The following TAF3 variants were observed in gnomAD, a reference collection of about 807,000 sequenced individuals.
TAF3 encodes TATA-box binding protein associated factor 3, also known as transcription initiation factor TFIID subunit 3.
A neutral mutation model predicts 80.6 loss-of-function variants in TAF3; 7 were observed. That is an observed-to-expected ratio of 0.09 (90% CI 0.05 to 0.16). The LOEUF (loss-of-function observed/expected upper bound fraction) is 0.16, where lower values mean the gene tolerates loss of function less well. TAF3 is among the 10% of genes least tolerant of loss of function. TAF3 has a pLI of 1.00. For missense variants in TAF3, 921 were observed against 1,140.2 expected (o/e 0.81, Z 2.77); for synonymous variants, 444 against 446.1 (o/e 1.00, Z 0.06).
intron 2 of TAF3, among the ~76,000 whole-genome samples, chr10:7,887,232 TAA>T (rs528310249): frequency 1.0e-4 from 14 of 139,448 alleles, no homozygotes; most frequent in Admixed American, 1.4e-4. Flanking sequence ...ACTCTGTATT[TAA>T]AAAAAAAAAA....
chr10:7,870,887 G>T (rs1411161063), intron 2 of TAF3, among the ~76,000 whole-genome samples: 1 of 152,042 alleles, frequency 6.6e-6, no homozygotes, highest in Non-Finnish European at 1.5e-5. Context: ...TTGAAGCTCA[G>T]AGTTTCTTGT....
Position 7,965,363 on chromosome 10 carries a change from A to G in TAF3, c.1853A>G (p.Asp618Gly), listed in dbSNP as rs1403918494. 1 of 1,605,984 alleles carries G rather than the reference A, an allele frequency of 6.2e-7. No homozygotes were observed. The highest frequency in any genetic ancestry group is 2.2e-5 in the East Asian group (1 of 44,840). Reference protein sequence around the residue: ...LVRKEKEKHKDKKKDREKGKK... With the variant: ...LVRKEKEKHKGKKKDREKGKK... ...AGGAAGGAGAAAGAGAAGCATAAAG[A>G]TAAGAAGAAAGATAGAGAGAAAGGC... The change falls in exon 3 of 7, where the codon GAT becomes GGT. Residue 618 changes from aspartate (D) to glycine (G), a missense_variant. Around this residue, in one of 6 missense-constraint regions of TAF3, gnomAD observed 743 missense variants for 821.0 expected, o/e 0.90. Coordinates refer to ENST00000344293, the MANE Select transcript of TAF3 (RefSeq NM_031923.4).
At chr10:7,922,166 C>G (rs1469356320) in intron 2 of TAF3, among the ~76,000 whole-genome samples, 1 of 152,084 alleles carries the variant, frequency 6.6e-6, no homozygotes. Flanking sequence ...TCAGATTTCT[C>G]AAGCCTTATT....
chr10:7,962,249 C>T (rs1187569673), intron 2 of TAF3, among the ~76,000 whole-genome samples: 1 of 152,170 alleles, frequency 6.6e-6, no homozygotes. Context: ...ATATCCTTCA[C>T]CTCTGCTGCT....
At chr10:7,944,092 CTTGT>C (rs1429294877) in intron 2 of TAF3, among the ~76,000 whole-genome samples, 7 of 88,000 alleles carry the variant, frequency 8.0e-5, no homozygotes, top group African/African-American at 3.1e-4. Context: ...AATGTTCATG[CTTGT>C]GTGTGTGTGT....
intron 2 of TAF3, among the ~76,000 whole-genome samples, chr10:7,928,001 A>G (rs2131194693): frequency 6.6e-6 from 1 of 151,974 alleles, no homozygotes; most frequent in African/African-American, 2.4e-5. Context: ...TGGATGTTTG[A>G]TGAAGAATTA....
At chr10:7,952,685 T>C (rs1337718914) in intron 2 of TAF3, among the ~76,000 whole-genome samples, 1 of 152,226 alleles carries the variant, frequency 6.6e-6, no homozygotes, top group African/African-American at 2.4e-5. Flanking sequence ...TCACTGTGTA[T>C]CTAGGAATTT....
chr10:7,885,531 A>T (rs118181937), intron 2 of TAF3, among the ~76,000 whole-genome samples: 388 of 152,248 alleles, frequency 2.5e-3, no homozygotes, highest in Non-Finnish European at 3.8e-3. Context: ...AATCCTTTCC[A>T]CTTGGCCCCA....
chr10:7,865,941 G>A (rs1313585711), intron 2 of TAF3, among the ~76,000 whole-genome samples: 2 of 152,108 alleles, frequency 1.3e-5, no homozygotes, highest in East Asian at 3.9e-4. Flanking sequence ...CCTCCCCATC[G>A]TGTGTAACAG....
intron 2 of TAF3, among the ~76,000 whole-genome samples, chr10:7,932,911 C>T (rs969716131): frequency 6.6e-6 from 1 of 151,884 alleles, no homozygotes; most frequent in Non-Finnish European, 1.5e-5. Context: ...AACTCCTGGG[C>T]TCGAGTGATC....
intron 4 of TAF3, among the ~76,000 whole-genome samples, chr10:7,983,700 G>A (rs891484975): frequency 1.3e-5 from 2 of 152,140 alleles, no homozygotes; most frequent in Non-Finnish European, 2.9e-5. Context: ...TGAGCTGGAC[G>A]TAGTGGCGTG....
intron 3 of TAF3, among the ~76,000 whole-genome samples, chr10:7,970,518 T>TA (rs1218461295): frequency 6.6e-6 from 1 of 152,230 alleles, no homozygotes; most frequent in African/African-American, 2.4e-5. Context: ...CTCAGCCACT[T>TA]ACCTCAGTCT....
At chr10:7,859,598 C>T (rs1047020875) in intron 2 of TAF3, among the ~76,000 whole-genome samples, 8 of 152,142 alleles carry the variant, frequency 5.3e-5, no homozygotes, top group African/African-American at 1.9e-4. Flanking sequence ...ACCTTAGACG[C>T]CCTCCATTTG....
chr10:7,896,503 T>A (rs1242062611), intron 2 of TAF3, among the ~76,000 whole-genome samples: 1 of 152,230 alleles, frequency 6.6e-6, no homozygotes, highest in African/African-American at 2.4e-5. Flanking sequence ...GTTTGCTTCA[T>A]AGATCTCTAG....
rs548482409 is a variant in TAF3 at position 7,861,630 on chromosome 10, C to T, written c.409+37070C>T. On this transcript the variant is annotated intron_variant, in intron 2 of 6. Coordinates refer to ENST00000344293, the MANE Select transcript of TAF3 (RefSeq NM_031923.4). ...CACTTTACAGATATTTTTCCACCAT[C>T]TCATAACCTCCATTGTTTCTGATAA... Among the ~76,000 whole-genome samples, 171 of 152,186 alleles carry T rather than the reference C, an allele frequency of 1.1e-3. 1 individual carries two copies. Among genetic ancestry groups the T allele is most frequent in the African/African-American group, 4.0e-3 (165 of 41,498 alleles).
intron 2 of TAF3, among the ~76,000 whole-genome samples, chr10:7,953,304 T>G (rs1459238904): frequency 2.0e-5 from 3 of 152,196 alleles, no homozygotes; most frequent in Non-Finnish European, 2.9e-5. Context: ...AACACATAAA[T>G]CAAGTGGTAG....
chr10:7,865,401 C>T (rs1047159918), intron 2 of TAF3, among the ~76,000 whole-genome samples: 10 of 152,228 alleles, frequency 6.6e-5, no homozygotes, highest in Non-Finnish European at 7.4e-5. Flanking sequence ...ATGGTGTGAA[C>T]CCGGGAGGCG....
At chr10:7,950,295 G>A (rs1185719188) in intron 2 of TAF3, among the ~76,000 whole-genome samples, 2 of 152,220 alleles carry the variant, frequency 1.3e-5, no homozygotes, top group East Asian at 3.9e-4. Flanking sequence ...ACCCAGGGAA[G>A]AGTGTTCCCA....
At chr10:7,864,323 AT>A (rs1307312958) in intron 2 of TAF3, among the ~76,000 whole-genome samples, 1 of 152,232 alleles carries the variant, frequency 6.6e-6, no homozygotes, top group East Asian at 1.9e-4. Flanking sequence ...ATTGACAGAT[AT>A]CATCATTATA....
Sources: gnomAD v4.1 joint callset for allele counts (sites outside exome capture counted in the v4.1 genomes callset) on GRCh38, gnomAD v4.1.1 for gene constraint, gnomAD v4.1.1 regional missense constraint, MANE v1.5 for transcripts, NCBI Gene and HGNC (gene_info 2026-07-23, HGNC 2026-07-21) for gene names.